The following RORA variants were observed in gnomAD, a reference collection of about 807,000 sequenced individuals.
The protein encoded by RORA is nuclear receptor ROR-alpha.
RORA carries 7 observed loss-of-function variants against 69.5 expected under a neutral mutation model. The ratio of observed to expected loss-of-function variants is 0.10; its 90% CI spans 0.06 to 0.19. RORA has a LOEUF of 0.19. RORA is among the 10% of genes least tolerant of loss of function. The pLI is 1.00. For synonymous variants in RORA, 261 were observed against 240.8 expected (o/e 1.08, Z -0.78); for missense variants, 457 against 663.0 (o/e 0.69, Z 3.41).
chr15:60,645,420 ATT>A (rs11382212), intron 2 of RORA, among the ~76,000 whole-genome samples: 118 of 135,378 alleles, frequency 8.7e-4, no homozygotes, highest in Middle Eastern at 3.8e-3. Flanking sequence ...TGACAGATAA[ATT>A]TTTTTTTTTT....
chr15:60,930,086 T>C (rs1031988536), intron 1 of RORA, among the ~76,000 whole-genome samples: 4 of 152,188 alleles, frequency 2.6e-5, no homozygotes, highest in African/African-American at 9.7e-5. Flanking sequence ...GAGAGAGGAA[T>C]GGAATTTCTT....
chr15:61,147,245 C>G lies in RORA; in HGVS notation c.166+81808G>C, dbSNP rs778106888. ...GGTCGTTTCCACCACCCAAGAGAAC[C>G]GTAAAGGTGGAAAGGGGCATTAAAG... On this transcript the variant is annotated intron_variant, in intron 1 of 10. Transcript: ENST00000335670. The surrounding 1 kb of genome is among the most constrained non-coding windows in gnomAD (Gnocchi z 4.1). Among the ~76,000 whole-genome samples the G allele has an allele frequency of 7.2e-5, 11 of 152,252 alleles. No individual in the cohort carries two copies. The highest frequency in any genetic ancestry group is 1.5e-4 in the Non-Finnish European group (10 of 68,022).
At chr15:60,594,278 C>T (rs2068619204) in intron 2 of RORA, among the ~76,000 whole-genome samples, 1 of 152,222 alleles carries the variant, frequency 6.6e-6, no homozygotes, top group African/African-American at 2.4e-5. Context: ...GCAACTATAT[C>T]TCCCAATGAG....
At chr15:61,023,476 A>G (rs907544929) in intron 1 of RORA, among the ~76,000 whole-genome samples, 1 of 152,190 alleles carries the variant, frequency 6.6e-6, no homozygotes, top group Non-Finnish European at 1.5e-5. Context: ...CACCCCCATG[A>G]TTCAAATTAT....
At chr15:61,220,163 T>C (rs2080081688) in intron 1 of RORA, among the ~76,000 whole-genome samples, 2 of 152,246 alleles carry the variant, frequency 1.3e-5, no homozygotes, top group African/African-American at 2.4e-5. Flanking sequence ...AGTCAACTAA[T>C]AAGAGCACTA....
At chr15:60,657,375 TGCCGAC>T (rs1195075385) in intron 2 of RORA, among the ~76,000 whole-genome samples, 1 of 152,126 alleles carries the variant, frequency 6.6e-6, no homozygotes, top group Non-Finnish European at 1.5e-5. Flanking sequence ...CCATGACAAC[TGCCGAC>T]GCAGAATCCA....
At chr15:60,877,755 TAATAA>T (rs1422465846) in intron 1 of RORA, among the ~76,000 whole-genome samples, 2 of 152,126 alleles carry the variant, frequency 1.3e-5, no homozygotes, top group African/African-American at 4.8e-5. Context: ...TAAAATAAAT[TAATAA>T]AATAAAGCAG....
chr15:60,786,113 G>C (rs577822610), intron 1 of RORA, among the ~76,000 whole-genome samples: 190 of 152,326 alleles, frequency 1.2e-3, no homozygotes, highest in African/African-American at 4.4e-3. Context: ...CAGGCCTCTG[G>C]GGGCTTCATC....
At chr15:60,627,022 C>T (rs1487261567) in intron 2 of RORA, among the ~76,000 whole-genome samples, 1 of 152,246 alleles carries the variant, frequency 6.6e-6, no homozygotes, top group African/African-American at 2.4e-5. Context: ...TCACTGGTCA[C>T]CTCCTGACCT....
chr15:60,980,840 AT>A, intron 1 of RORA, among the ~76,000 whole-genome samples: 1 of 151,492 alleles, frequency 6.6e-6, no homozygotes, highest in South Asian at 2.1e-4. Flanking sequence ...GGTTTTGATG[AT>A]TTTTTTTCTA....
At chr15:61,228,971 C>T in intron 1 of RORA, 82 bp downstream of exon 1, 1 of 683,678 alleles carries the variant, frequency 1.5e-6, no homozygotes, top group Non-Finnish European at 1.8e-6. Flanking sequence ...GACCCCGCGC[C>T]CCGGGCGCCC....
chr15:60,490,044 T>G lies in RORA; in HGVS notation c.*7411A>C, dbSNP rs1350782084. On this transcript the variant is annotated 3_prime_UTR_variant, in exon 11 of 11. Transcript: ENST00000335670. This position sits in a 1 kb window ranked among gnomAD's most constrained non-coding sequence, Gnocchi z 4.1. ...AAATATCCATACTAAGGAAGTAATT[T>G]TATCCTAATTAAATACACTCTAGAA... 1 of 151,974 alleles carries G rather than the reference T, an allele frequency of 6.6e-6. No homozygotes were observed. Among genetic ancestry groups the G allele is most frequent in the African/African-American group, 2.4e-5 (1 of 41,418 alleles). The allele number at this position is 151,974 out of a possible 1,614,324, so 9.4% of individuals were successfully genotyped here.
At chr15:61,217,135 A>G (rs1567041651) in intron 1 of RORA, among the ~76,000 whole-genome samples, 1 of 152,076 alleles carries the variant, frequency 6.6e-6, no homozygotes, top group African/African-American at 2.4e-5. Flanking sequence ...GAAGGCAAAC[A>G]CCTCTGCAGG....
chr15:60,986,636 T>C (rs1244606981), intron 1 of RORA, among the ~76,000 whole-genome samples: 1 of 152,198 alleles, frequency 6.6e-6, no homozygotes, highest in African/African-American at 2.4e-5. Flanking sequence ...TTCTTTCAAG[T>C]TCACAGTGCC....
intron 1 of RORA, among the ~76,000 whole-genome samples, chr15:60,749,709 A>G (rs1044329945): frequency 2.0e-5 from 3 of 152,188 alleles, no homozygotes; most frequent in African/African-American, 7.2e-5. Context: ...ATCTAAATCT[A>G]AATAACAAAA....
At chr15:61,133,833 C>G (rs115916992) in intron 1 of RORA, among the ~76,000 whole-genome samples, 2,555 of 152,238 alleles carry the variant, frequency 0.017, 80 homozygotes, top group African/African-American at 0.058. Context: ...CTAACGCCTA[C>G]CCTTCTTCCT....
chr15:60,559,916 T>C (rs1303904631), intron 2 of RORA, among the ~76,000 whole-genome samples: 3 of 152,228 alleles, frequency 2.0e-5, no homozygotes, highest in East Asian at 1.9e-4. Context: ...CTGTTTTTTT[T>C]CCCCTTGACT....
chr15:60,653,050 G>C (rs560780130), intron 2 of RORA, among the ~76,000 whole-genome samples: 2 of 152,320 alleles, frequency 1.3e-5, no homozygotes, highest in African/African-American at 4.8e-5. Flanking sequence ...AGCGTGATCT[G>C]AGTGACACTG....
intron 1 of RORA, among the ~76,000 whole-genome samples, chr15:60,716,674 T>C (rs964104433): frequency 6.6e-6 from 1 of 152,152 alleles, no homozygotes; most frequent in Non-Finnish European, 1.5e-5. Context: ...AGGACTCTAC[T>C]CTTTCCCCAC....
Sources: allele counts gnomAD v4.1 joint callset (sites outside exome capture counted in the v4.1 genomes callset), GRCh38; gene constraint gnomAD v4.1.1; non-coding constraint Gnocchi (gnomAD v3.1); transcripts MANE v1.5; gene names NCBI Gene and HGNC (gene_info 2026-07-23, HGNC 2026-07-21).